CREBRF: variants seen among roughly 807,000 people sequenced by gnomAD.
CREBRF encodes the protein CREB3 regulatory factor.
A neutral mutation model predicts 66.1 loss-of-function variants in CREBRF; 5 were observed. That is an observed-to-expected ratio of 0.08 (90% confidence interval 0.04 to 0.16). CREBRF has a LOEUF of 0.16. CREBRF is among the 10% of genes least tolerant of loss of function. CREBRF has a pLI of 1.00. For missense variants in CREBRF, 531 were observed against 744.9 expected (o/e 0.71, Z 3.34); for synonymous variants, 229 against 264.4 (o/e 0.87, Z 1.30).
chr5:173,089,264 C>T (rs1758258084), intron 3 of CREBRF, among the ~76,000 whole-genome samples: 2 of 150,592 alleles, frequency 1.3e-5, no homozygotes, highest in African/African-American at 4.9e-5. Flanking sequence ...AAAAAAATAA[C>T]TCTGGAAGAC....
At chr5:173,087,814 TTTTA>T (rs1248726047) in intron 3 of CREBRF, among the ~76,000 whole-genome samples, 1 of 152,132 alleles carries the variant, frequency 6.6e-6, no homozygotes, top group Non-Finnish European at 1.5e-5. Context: ...TAAACATTGC[TTTTA>T]TTTATTTATT....
chr5:173,092,357 C>T (rs1758369873), intron 4 of CREBRF: 4 of 983,926 alleles, frequency 4.1e-6, no homozygotes, highest in Middle Eastern at 5.2e-4. Context: ...TTATATACAG[C>T]GCATATAAAT....
Position 173,133,821 on chromosome 5 carries a change from G to A in CREBRF, c.*76G>A. On this transcript the variant is annotated 3_prime_UTR_variant, in exon 9 of 9. Transcript: ENST00000296953. The stretch of plus-strand genomic sequence containing the variant: ...CCATTGTAAATTTTCATTCTGTTTT[G>A]CATGTCAGTTAGCATTATGTAAACA... 1.3e-6 allele frequency: 1 copy of A among 749,794 alleles called. No homozygotes were observed. The highest frequency in any genetic ancestry group is 2.3e-6 in the Non-Finnish European group (1 of 440,628). The allele number at this position is 749,794 out of a possible 1,614,324, so 46.4% of individuals were successfully genotyped here.
chr5:173,117,865 C>T (rs963264856), intron 7 of CREBRF, among the ~76,000 whole-genome samples: 2 of 142,240 alleles, frequency 1.4e-5, no homozygotes, highest in Non-Finnish European at 3.1e-5. Flanking sequence ...TGTGCACCAC[C>T]ACACCTGACT....
chr5:173,097,690 A>G (rs529058825), intron 4 of CREBRF, among the ~76,000 whole-genome samples: 2 of 152,250 alleles, frequency 1.3e-5, no homozygotes, highest in South Asian at 4.1e-4. Flanking sequence ...ATAATTGTTT[A>G]TAGTAGTCCT....
intron 3 of CREBRF, among the ~76,000 whole-genome samples, chr5:173,088,676 T>C (rs1758239985): frequency 1.3e-5 from 2 of 151,956 alleles, no homozygotes; most frequent in African/African-American, 4.8e-5. Context: ...CTTAATCATT[T>C]ATTCTTGAGG....
intron 1 of CREBRF, among the ~76,000 whole-genome samples, chr5:173,077,272 C>T (rs1180875930): frequency 6.6e-6 from 1 of 151,836 alleles, no homozygotes; most frequent in Non-Finnish European, 1.5e-5. Context: ...ACCTAAAAAA[C>T]GTAAAAAAAA....
chr5:173,068,155 A>C (rs2113672820), intron 1 of CREBRF: 1 of 453,608 alleles, frequency 2.2e-6, no homozygotes, highest in Non-Finnish European at 4.4e-6. Flanking sequence ...GAGTTACTGT[A>C]AATTTTATTC....
At chr5:173,057,092 CT>C (rs1412442527) in intron 1 of CREBRF, among the ~76,000 whole-genome samples, 2 of 152,218 alleles carry the variant, frequency 1.3e-5, no homozygotes, top group East Asian at 3.9e-4. Context: ...GGCGAGGGGC[CT>C]CCCTCCCGGG....
chr5:173,082,204 G>T (rs1315239142), intron 2 of CREBRF, among the ~76,000 whole-genome samples: 1 of 151,702 alleles, frequency 6.6e-6, no homozygotes, highest in South Asian at 2.1e-4. Context: ...TAGTGGAGAC[G>T]GGGTTTCACC....
rs112043212 is a variant in CREBRF, at chr5:173,086,373, A to G, written c.10-128A>G. On this transcript the variant is annotated intron_variant, in intron 2 of 8. Transcript: ENST00000296953. Reference sequence around the variant, plus strand: ...AGCTCTTAAATATACTATACAGTAGAAAAAAAGTATAGAAATGTTTTCTGA... The same window carrying G: ...AGCTCTTAAATATACTATACAGTAGGAAAAAAGTATAGAAATGTTTTCTGA... 1.3e-4 allele frequency: 111 copies of G among 841,776 alleles called. No homozygotes were observed. In the African/African-American group the frequency reaches 1.6e-3, roughly 12 times the overall value. The allele number at this position is 841,776 out of a possible 1,614,324, so 52.1% of individuals were successfully genotyped here. A position where few individuals can be genotyped will look rare whatever the true frequency, so the allele number is the denominator to read the frequency against.
At chr5:173,089,631 G>T (rs953503272) in intron 3 of CREBRF, among the ~76,000 whole-genome samples, 1 of 149,598 alleles carries the variant, frequency 6.7e-6, no homozygotes, top group Non-Finnish European at 1.5e-5. Context: ...AGACCAGCCT[G>T]GTCAACATGG....
At chr5:173,080,943 A>C (rs553261702) in intron 2 of CREBRF, 159 bp downstream of exon 2, 30 of 215,252 alleles carry the variant, frequency 1.4e-4, no homozygotes, top group Non-Finnish European at 2.1e-4. Context: ...TCTTCCTTCC[A>C]TTGGCTTCTA....
chr5:173,115,086 TTTTTCTTTTTC>T (rs1395421922), intron 7 of CREBRF, among the ~76,000 whole-genome samples: 10 of 152,056 alleles, frequency 6.6e-5, no homozygotes, highest in South Asian at 6.2e-4. Flanking sequence ...TTTATAGTGT[TTTTTCTTTTTC>T]TTTTCTTTTT....
chr5:173,129,718 CAAAAAAA>C (rs36113811), intron 8 of CREBRF, among the ~76,000 whole-genome samples: 1 of 105,688 alleles, frequency 9.5e-6, no homozygotes, highest in Admixed American at 9.8e-5. Context: ...GACCTCATCT[CAAAAAAA>C]AAAAAAAAAA....
chr5:173,127,831 G>A (rs542566410), intron 8 of CREBRF, among the ~76,000 whole-genome samples: 8 of 152,208 alleles, frequency 5.3e-5, no homozygotes, highest in Middle Eastern at 6.8e-3. Context: ...GATAATTTAC[G>A]TATTCCTGAA....
At position 173,108,816 on chromosome 5, in the gene CREBRF, A is replaced by T. The variant is rs1433901054; in HGVS notation, c.1415A>T (p.His472Leu). The change falls in exon 5 of 9, where the codon CAT becomes CTT. Residue 472 changes from histidine (H) to leucine (L), a missense_variant and splice_region_variant. His to Leu is a moderately conservative substitution (Grantham distance 99, BLOSUM62 -3). Around this residue, in one of 5 missense-constraint regions of CREBRF, gnomAD observed 309 missense variants for 341.4 expected, o/e 0.90. Coordinates refer to ENST00000296953, the MANE Select transcript of CREBRF (RefSeq NM_153607.3). ...SNMYQKNGLHHGKYAVKKSRR... is the reference protein window; with the variant it reads ...SNMYQKNGLHLGKYAVKKSRR... Reference sequence around the variant, plus strand: ...ATGTATCAGAAAAATGGCTTACATCATGGTAAGAGGGGATTGCAGTCAGAT... The same window carrying T: ...ATGTATCAGAAAAATGGCTTACATCTTGGTAAGAGGGGATTGCAGTCAGAT... 1.9e-6 allele frequency: 3 copies of T among 1,611,612 alleles called. No individual in the cohort carries two copies. The highest frequency in any genetic ancestry group is 2.5e-6 in the Non-Finnish European group (3 of 1,179,080).
At chr5:173,095,818 T>G (rs1382632433) in intron 4 of CREBRF, among the ~76,000 whole-genome samples, 6 of 152,026 alleles carry the variant, frequency 3.9e-5, no homozygotes, top group Non-Finnish European at 8.8e-5. Context: ...TAAGTTTTTT[T>G]TTTTTAGTGT....
intron 1 of CREBRF, among the ~76,000 whole-genome samples, chr5:173,076,910 A>G (rs149084834): frequency 8.5e-5 from 13 of 152,234 alleles, no homozygotes; most frequent in African/African-American, 2.4e-4. Context: ...AAAGTAGACC[A>G]TAGTATATTA....
Sources: gnomAD v4.1 joint callset for allele counts (sites outside exome capture counted in the v4.1 genomes callset) on GRCh38, gnomAD v4.1.1 for gene constraint, gnomAD v4.1.1 regional missense constraint, MANE v1.5 for transcripts, NCBI Gene and HGNC (gene_info 2026-07-23, HGNC 2026-07-21) for gene names.